Variants in PTPRM observed in about 807,000 individuals in gnomAD.
PTPRM encodes the protein receptor-type tyrosine-protein phosphatase mu.
PTPRM carries 47 observed loss-of-function variants against 186.7 expected under a neutral mutation model. The ratio of observed to expected loss-of-function variants is 0.25; its 90% CI spans 0.20 to 0.32. The LOEUF (loss-of-function observed/expected upper bound fraction) is 0.32, where lower values mean the gene tolerates loss of function less well. Among genes scored for constraint, PTPRM ranks in the 10% least tolerant of loss-of-function variants. The probability of loss-of-function intolerance (pLI) is 1.00; values close to 1 mark genes in which losing one functional copy is unlikely to be tolerated. For missense variants in PTPRM, 1,494 were observed against 1,865.0 expected, an observed-to-expected ratio of 0.80 and a Z score of 3.66; for synonymous variants, 668 against 674.9, an observed-to-expected ratio of 0.99 and a Z score of 0.16.
chr18:7,907,204 C>G (rs529408597), intron 4 of PTPRM, among the ~76,000 whole-genome samples: 7 of 152,182 alleles, frequency 4.6e-5, no homozygotes, highest in Non-Finnish European at 1.0e-4. Context: ...TAAAATAGTA[C>G]AAATTGCTAG....
chr18:7,878,938 T>C (rs975165141), intron 2 of PTPRM, among the ~76,000 whole-genome samples: 1 of 152,214 alleles, frequency 6.6e-6, no homozygotes, highest in Admixed American at 6.5e-5. Flanking sequence ...ATAGTCAACC[T>C]GTCACTACTC....
intron 5 of PTPRM, among the ~76,000 whole-genome samples, chr18:7,944,284 A>G (rs141155105): frequency 6.6e-6 from 1 of 152,114 alleles, no homozygotes; most frequent in East Asian, 1.9e-4. Context: ...AGTAGAGTAC[A>G]TGTTGTGTTG....
Position 7,580,900 on chromosome 18 carries a change from T to G in PTPRM, c.73+13009T>G, listed in dbSNP as rs141890454. Among the ~76,000 whole-genome samples, 46 of 152,310 alleles carry G rather than the reference T, an allele frequency of 3.0e-4. No individual in the cohort carries two copies. The East Asian group carries it at 8.1e-3, about 27-fold the overall frequency. On this transcript the variant is annotated intron_variant, in intron 1 of 32. Coordinates refer to ENST00000580170, the MANE Select transcript of PTPRM (RefSeq NM_001105244.2). ...ATTTCAAATGTAGTGTTGTGGCTGC[T>G]AGGAAGATATTAAGTGATGTTGTAT...
intron 7 of PTPRM, among the ~76,000 whole-genome samples, chr18:8,042,487 A>G (rs1219637449): frequency 6.6e-6 from 1 of 152,198 alleles, no homozygotes; most frequent in Non-Finnish European, 1.5e-5. Context: ...AAGAAAAACA[A>G]AATTAAAATA....
chr18:7,602,986 G>A (rs1461063158), intron 1 of PTPRM, among the ~76,000 whole-genome samples: 1 of 151,220 alleles, frequency 6.6e-6, no homozygotes, highest in East Asian at 1.9e-4. Context: ...GGAGTGCAGT[G>A]TTGTGATCTC....
At chr18:7,669,948 TG>T (rs2039182226) in intron 1 of PTPRM, among the ~76,000 whole-genome samples, 1 of 152,150 alleles carries the variant, frequency 6.6e-6, no homozygotes, top group African/African-American at 2.4e-5. Flanking sequence ...TTCACAATAT[TG>T]GCCAGGCTGG....
At chr18:8,043,556 A>C (rs1488043345) in intron 7 of PTPRM, among the ~76,000 whole-genome samples, 1 of 151,946 alleles carries the variant, frequency 6.6e-6, no homozygotes, top group African/African-American at 2.4e-5. Flanking sequence ...TATGCTAGTT[A>C]GGTATTTTTT....
At chr18:7,928,111 C>T (rs2051279979) in intron 5 of PTPRM, among the ~76,000 whole-genome samples, 1 of 152,120 alleles carries the variant, frequency 6.6e-6, no homozygotes. Context: ...CAAGATTAAT[C>T]AGCAATGCAT....
At chr18:7,767,392 A>C (rs2042063348) in intron 1 of PTPRM, among the ~76,000 whole-genome samples, 1 of 152,218 alleles carries the variant, frequency 6.6e-6, no homozygotes, top group Admixed American at 6.5e-5. Flanking sequence ...CAATAAAAAA[A>C]ACAATTTTTA....
intron 1 of PTPRM, among the ~76,000 whole-genome samples, chr18:7,617,499 C>G (rs879189469): frequency 6.6e-6 from 1 of 152,076 alleles, no homozygotes; most frequent in Non-Finnish European, 1.5e-5. Context: ...CCTGGAGCAA[C>G]TATTATACAT....
At chr18:7,905,522 C>T (rs923879073) in intron 3 of PTPRM, among the ~76,000 whole-genome samples, 2 of 152,230 alleles carry the variant, frequency 1.3e-5, no homozygotes, top group Non-Finnish European at 2.9e-5. Flanking sequence ...ATTCTCTTCA[C>T]TGCATTATTA....
At position 8,194,522 on chromosome 18, in the gene PTPRM, G is replaced by C. The variant is rs1361091164; in HGVS notation, c.2301-49536G>C. Reference sequence around the variant, plus strand: ...AGGGGGCACCCTGAAATCCACACTGGAAACAGGCAGGCCCCTTTATGAATA... The same window carrying C: ...AGGGGGCACCCTGAAATCCACACTGCAAACAGGCAGGCCCCTTTATGAATA... On this transcript the variant is annotated intron_variant, in intron 14 of 32. Coordinates refer to ENST00000580170, the MANE Select transcript of PTPRM (RefSeq NM_001105244.2). 3.3e-5 allele frequency among the ~76,000 whole-genome samples: 5 copies of C among 152,340 alleles called. No homozygotes were observed. In the East Asian group the frequency reaches 9.6e-4, roughly 29 times the overall value.
chr18:7,913,261 T>G (rs978744341), intron 4 of PTPRM, among the ~76,000 whole-genome samples: 2 of 85,534 alleles, frequency 2.3e-5, no homozygotes, highest in Admixed American at 2.0e-4. Context: ...ATTTTCTGTA[T>G]GCAAAATTGT....
chr18:7,958,207 C>A (rs1345730570), intron 7 of PTPRM, among the ~76,000 whole-genome samples: 693 of 114,704 alleles, frequency 6.0e-3, no homozygotes, highest in Middle Eastern at 0.01. Context: ...CCATCCCCTG[C>A]AAAAAAAAAA....
chr18:8,299,836 G>A (rs2095137105), intron 20 of PTPRM, among the ~76,000 whole-genome samples: 1 of 152,172 alleles, frequency 6.6e-6, no homozygotes, highest in African/African-American at 2.4e-5. Context: ...CTGAAAGCCA[G>A]ACAGTGGGCT....
At chr18:7,746,622 T>C in intron 1 of PTPRM, among the ~76,000 whole-genome samples, 1 of 152,046 alleles carries the variant, frequency 6.6e-6, no homozygotes, top group Non-Finnish European at 1.5e-5. Context: ...TGCAACACCA[T>C]GCCTGGCTAA....
At chr18:7,720,501 C>T (rs2040426325) in intron 1 of PTPRM, among the ~76,000 whole-genome samples, 2 of 152,142 alleles carry the variant, frequency 1.3e-5, no homozygotes, top group Non-Finnish European at 1.5e-5. Flanking sequence ...ATCCATACTA[C>T]ATAAAATTTG....
At chr18:8,372,056 CTTTTTTT>C (rs557766971) in intron 24 of PTPRM, among the ~76,000 whole-genome samples, 5 of 59,068 alleles carry the variant, frequency 8.5e-5, no homozygotes, top group Admixed American at 1.9e-4. Flanking sequence ...ACTCTATATT[CTTTTTTT>C]TTTTTTTTTT....
At chr18:7,881,045 G>A (rs962904412) in intron 2 of PTPRM, among the ~76,000 whole-genome samples, 1 of 152,132 alleles carries the variant, frequency 6.6e-6, no homozygotes, top group Non-Finnish European at 1.5e-5. Flanking sequence ...TAGAAGCGTA[G>A]TGGTACACTT....
Sources: allele counts gnomAD v4.1 joint callset (sites outside exome capture counted in the v4.1 genomes callset), GRCh38; gene constraint gnomAD v4.1.1; transcripts MANE v1.5; gene names NCBI Gene and HGNC (gene_info 2026-07-23, HGNC 2026-07-21).